SGIP1: variants seen among roughly 807,000 people sequenced by gnomAD.
The protein encoded by SGIP1 is SH3-containing GRB2-like protein 3-interacting protein 1.
SGIP1 carries 38 observed loss-of-function variants against 107.5 expected under a neutral mutation model. That is an observed-to-expected ratio of 0.35 (90% CI 0.27 to 0.46). SGIP1 has a LOEUF of 0.46. SGIP1 is among the 20% of genes least tolerant of loss of function. SGIP1 has a pLI of 1.00. For synonymous variants in SGIP1, 365 were observed against 366.1 expected, an observed-to-expected ratio of 1.00 and a Z score of 0.03; for missense variants, 929 against 1,019.5, an observed-to-expected ratio of 0.91 and a Z score of 1.21.
chr1:66,654,068 G>C (rs1276147816), intron 7 of SGIP1, among the ~76,000 whole-genome samples: 1 of 152,054 alleles, frequency 6.6e-6, no homozygotes, highest in Non-Finnish European at 1.5e-5. Context: ...ACACATAGTA[G>C]GTACTTAGAA....
chr1:66,696,233 G>T (rs991223631), intron 18 of SGIP1, among the ~76,000 whole-genome samples: 3 of 152,152 alleles, frequency 2.0e-5, no homozygotes, highest in Non-Finnish European at 4.4e-5. Flanking sequence ...ATCTTAACAG[G>T]CCAGTCATTT....
intron 1 of SGIP1, among the ~76,000 whole-genome samples, chr1:66,592,418 T>C (rs540530127): frequency 7.9e-5 from 12 of 152,322 alleles, no homozygotes; most frequent in Admixed American, 6.5e-5. Context: ...GGGCACAGGG[T>C]TGGGGCTAGG....
chr1:66,643,115 A>G (rs2077073241), intron 6 of SGIP1, among the ~76,000 whole-genome samples: 1 of 29,108 alleles, frequency 3.4e-5, no homozygotes, highest in African/African-American at 3.5e-4. Flanking sequence ...CCCTGATATG[A>G]CTGTCATTTA....
chr1:66,602,873 G>T (rs1411621870), intron 1 of SGIP1, among the ~76,000 whole-genome samples: 1 of 152,110 alleles, frequency 6.6e-6, no homozygotes, highest in Non-Finnish European at 1.5e-5. Flanking sequence ...AACTTAGGAA[G>T]AATATTTTAC....
chr1:66,542,134 T>TTA (rs1309851733), intron 1 of SGIP1, among the ~76,000 whole-genome samples: 3 of 152,062 alleles, frequency 2.0e-5, no homozygotes, highest in African/African-American at 7.2e-5. Context: ...TAAAGATGAT[T>TTA]TATATATATA....
chr1:66,678,336 T>C (rs2085852599), intron 13 of SGIP1, among the ~76,000 whole-genome samples: 1 of 152,244 alleles, frequency 6.6e-6, no homozygotes, highest in African/African-American at 2.4e-5. Context: ...ATTTCAGAGC[T>C]GTGAGTCTTA....
chr1:66,542,334 G>A (rs2055173042), intron 1 of SGIP1, among the ~76,000 whole-genome samples: 1 of 152,120 alleles, frequency 6.6e-6, no homozygotes, highest in South Asian at 2.1e-4. Flanking sequence ...TGTAATAAAA[G>A]TTATGTGAAT....
intron 3 of SGIP1, chr1:66,634,000 G>A (rs1023474946): frequency 7.7e-7 from 1 of 1,302,830 alleles, no homozygotes; most frequent in African/African-American, 1.5e-5. Context: ...GCCTTCATGT[G>A]GTTCTTACCA....
At chr1:66,571,164 G>A (rs753142759) in intron 1 of SGIP1, among the ~76,000 whole-genome samples, 2 of 151,970 alleles carry the variant, frequency 1.3e-5, no homozygotes, top group African/African-American at 2.4e-5. Context: ...AAACAGAAAA[G>A]GTAGAAGAAA....
chr1:66,706,304 A>T (rs1217300204), intron 18 of SGIP1, among the ~76,000 whole-genome samples: 4 of 146,064 alleles, frequency 2.7e-5, no homozygotes, highest in African/African-American at 9.9e-5. Flanking sequence ...ATTTTATATT[A>T]TACATAAAAT....
At chr1:66,619,276 G>A (rs2070304709) in intron 1 of SGIP1, among the ~76,000 whole-genome samples, 1 of 152,144 alleles carries the variant, frequency 6.6e-6, no homozygotes, top group Non-Finnish European at 1.5e-5. Flanking sequence ...AATTTTAAAG[G>A]CAGTACATTT....
At position 66,739,395 on chromosome 1, in the gene SGIP1, C is replaced by A. The variant is rs922176964; in HGVS notation, c.2092C>A (p.Pro698Thr). The A allele has an allele frequency of 1.9e-6, 3 of 1,611,646 alleles. No individual in the cohort carries two copies. The highest frequency in any genetic ancestry group is 2.8e-5 in the African/African-American group (2 of 72,680). The change falls in exon 22 of 25, where the codon CCT becomes ACT. Residue 698 changes from proline to threonine, a missense_variant. By Grantham distance (38) the Pro-to-Thr change is conservative. This residue lies in a region of SGIP1 where 341 missense variants were observed against 430.9 expected (regional missense o/e 0.79). Coordinates refer to ENST00000371037, the MANE Select transcript of SGIP1 (RefSeq NM_032291.4). Reference sequence around the variant, plus strand: ...CCTGGCAGTGAATTGGCGATGTGAGCCTTCAAGCACTGACCTGCGCATAGA... The same window carrying A: ...CCTGGCAGTGAATTGGCGATGTGAGACTTCAAGCACTGACCTGCGCATAGA... ...LNLAVNWRCE[P>T]SSTDLRIDYK...
chr1:66,643,781 A>T lies in SGIP1; in HGVS notation c.459+62A>T, dbSNP rs895791612. ...GATTGAACAGGGCTATGTTCTGCCT[A>T]TATGCATTAAGTCAATCAGAAACTC... On this transcript the variant is annotated intron_variant, in intron 7 of 24. Transcript: ENST00000371037. 11 of 1,440,506 alleles carry T rather than the reference A, an allele frequency of 7.6e-6. No individual in the cohort carries two copies. The East Asian group carries it at 2.5e-4, about 33-fold the overall frequency. The allele number at this position is 1,440,506 out of a possible 1,614,324, so 89.2% of individuals were successfully genotyped here. A position where few individuals can be genotyped will look rare whatever the true frequency, so the allele number is the denominator to read the frequency against.
rs1416889300 is a variant in SGIP1 at position 66,750,332 on chromosome 1, G to C, written c.*7237G>C. On this transcript the variant is annotated 3_prime_UTR_variant, in exon 25 of 25. Coordinates refer to ENST00000371037, the MANE Select transcript of SGIP1 (RefSeq NM_032291.4). Reference sequence around the variant, plus strand: ...GGATATTAATTTTCATTCTTACTAAGTGGCCATGTAAGGCATTGATTTTTT... The same window carrying C: ...GGATATTAATTTTCATTCTTACTAACTGGCCATGTAAGGCATTGATTTTTT... Among the ~76,000 whole-genome samples the C allele has an allele frequency of 6.6e-6, 1 of 152,062 alleles. No homozygotes were observed. Among genetic ancestry groups the C allele is most frequent in the African/African-American group, 2.4e-5 (1 of 41,394 alleles).
intron 1 of SGIP1, among the ~76,000 whole-genome samples, chr1:66,550,018 T>C (rs2057160902): frequency 6.6e-6 from 1 of 152,182 alleles, no homozygotes; most frequent in African/African-American, 2.4e-5. Context: ...TCCCAGTATC[T>C]TTGAGTTCTT....
At chr1:66,601,036 T>C (rs2065694808) in intron 1 of SGIP1, among the ~76,000 whole-genome samples, 1 of 152,184 alleles carries the variant, frequency 6.6e-6, no homozygotes, top group African/African-American at 2.4e-5. Flanking sequence ...ATTGTAGTGC[T>C]TCGCTTTCCA....
At chr1:66,553,905 G>T (rs1264439142) in intron 1 of SGIP1, among the ~76,000 whole-genome samples, 1 of 152,008 alleles carries the variant, frequency 6.6e-6, no homozygotes, top group African/African-American at 2.4e-5. Flanking sequence ...GCACTCTTGG[G>T]TTGGCATCCA....
chr1:66,734,971 T>C (rs948775505), intron 21 of SGIP1, among the ~76,000 whole-genome samples: 2 of 152,182 alleles, frequency 1.3e-5, no homozygotes, highest in African/African-American at 4.8e-5. Flanking sequence ...ACACTTTCCA[T>C]TCACTTTAGC....
At chr1:66,645,476 A>G (rs1426916933) in intron 7 of SGIP1, among the ~76,000 whole-genome samples, 1 of 152,112 alleles carries the variant, frequency 6.6e-6, no homozygotes, top group Non-Finnish European at 1.5e-5. Context: ...ATGTTAAGGG[A>G]AGCAGAGTGA....
Sources: allele counts gnomAD v4.1 joint callset (sites outside exome capture counted in the v4.1 genomes callset), GRCh38; gene constraint gnomAD v4.1.1; regional missense constraint gnomAD v4.1.1; transcripts MANE v1.5; gene names NCBI Gene and HGNC (gene_info 2026-07-23, HGNC 2026-07-21).